SAFB2: variants seen among roughly 807,000 people sequenced by gnomAD.
SAFB2 encodes scaffold attachment factor B2.
SAFB2 carries 32 observed loss-of-function variants against 100.6 expected under a neutral mutation model. The observed-to-expected ratio is 0.32, with a 90% confidence interval of 0.24 to 0.43. The LOEUF is 0.43. Among genes scored for constraint, SAFB2 ranks in the 20% least tolerant of loss-of-function variants. The probability of loss-of-function intolerance (pLI) is 1.00; values close to 1 mark genes in which losing one functional copy is unlikely to be tolerated. For missense variants in SAFB2, 1,185 were observed against 1,163.4 expected (o/e 1.02, Z -0.27); for synonymous variants, 500 against 439.4 (o/e 1.14, Z -1.72).
chr19:5,591,751 C>A lies in SAFB2; in HGVS notation c.2391G>T (p.Gly797=), dbSNP rs1482433492. ...SRPMMGDHRD[G]QHYGDDRHGH... ...TTGGCATCGGGGCTCTACTCACCTG[C>A]CCATCCCGGTGGTCTCCCATCATTG... The change falls in exon 17 of 21, where the codon GGG becomes GGT. Residue 797 remains glycine, a synonymous_variant. Coordinates refer to ENST00000252542, the MANE Select transcript of SAFB2 (RefSeq NM_014649.3). 2 of 1,613,908 alleles carry A rather than the reference C, an allele frequency of 1.2e-6. No individual in the cohort carries two copies.
At chr19:5,590,156 CT>C in intron 18 of SAFB2, 121 bp downstream of exon 18, 2 of 899,280 alleles carry the variant, frequency 2.2e-6, no homozygotes, top group Non-Finnish European at 3.2e-6. Context: ...GGCAGGACCC[CT>C]GGTAGCCCAT....
chr19:5,602,897 G>C (rs967398259), intron 11 of SAFB2, among the ~76,000 whole-genome samples: 2 of 151,296 alleles, frequency 1.3e-5, no homozygotes, highest in African/African-American at 2.4e-5. Context: ...GATTAAATTA[G>C]AGGGCTCACC....
intron 2 of SAFB2, among the ~76,000 whole-genome samples, chr19:5,619,490 C>T (rs2053098186): frequency 6.6e-6 from 1 of 152,210 alleles, no homozygotes; most frequent in Admixed American, 6.5e-5. Flanking sequence ...TCAGGCAGGT[C>T]TTCAAAGCAC....
In SAFB2 at chr19:5,587,087, T is replaced by TA. The variant is rs1431605470; in HGVS notation, c.*155_*156insT. ...AATGGCAGAACAAGAACACATTTAT[T>TA]TAAAAAAAAAAAAAAAGTGAGTTCA... On this transcript the variant is annotated 3_prime_UTR_variant, in exon 21 of 21. Coordinates refer to ENST00000252542, the MANE Select transcript of SAFB2 (RefSeq NM_014649.3). This position sits in a 1 kb window ranked among gnomAD's most constrained non-coding sequence, Gnocchi z 4.9. The TA allele has an allele frequency of 4.3e-5, 41 of 959,986 alleles. No homozygotes were observed. The African/African-American group carries it at 5.9e-4, about 14-fold the overall frequency. 59.5% of individuals were successfully genotyped at this position (959,986 alleles called of 1,614,324 possible). A position where few individuals can be genotyped will look rare whatever the true frequency, so the allele number is the denominator to read the frequency against.
intron 9 of SAFB2, 44 bp downstream of exon 9, chr19:5,609,951 A>C (rs778796371): frequency 1.9e-6 from 3 of 1,544,258 alleles, no homozygotes; most frequent in Non-Finnish European, 2.7e-6. Flanking sequence ...CTTCCTTTTT[A>C]ACTCTGAATC....
intron 9 of SAFB2, among the ~76,000 whole-genome samples, chr19:5,606,646 C>A (rs549754678): frequency 1.6e-4 from 25 of 151,884 alleles, no homozygotes; most frequent in Admixed American, 7.9e-4. Flanking sequence ...AACAAAAAAA[C>A]CAGAAGAAAC....
rs1440465867 is a variant in SAFB2, at chr19:5,622,695, C to T, written c.21G>A (p.Gly7=). 1.2e-6 allele frequency: 2 copies of T among 1,605,202 alleles called. No individual in the cohort carries two copies. The highest frequency in any genetic ancestry group is 2.2e-5 in the East Asian group (1 of 44,662). The change falls in exon 1 of 21, where the codon GGG becomes GGA. Residue 7 remains glycine, a synonymous_variant. Coordinates refer to ENST00000252542, the MANE Select transcript of SAFB2 (RefSeq NM_014649.3). ...CCGTGCCAGGGCCCGAGTCGCCCGACCCGGGCAGAGTCTCCGCCATCGTCG... is the reference window on the plus strand; with the variant it reads ...CCGTGCCAGGGCCCGAGTCGCCCGATCCGGGCAGAGTCTCCGCCATCGTCG... MAETLP[G]SGDSGPGTAS...
In SAFB2 at chr19:5,590,294, G is replaced by A; in HGVS notation, c.2509C>T (p.Leu837=). 1 of 1,601,208 alleles carries A rather than the reference G, an allele frequency of 6.2e-7. No individual in the cohort carries two copies. Among genetic ancestry groups the A allele is most frequent in the Non-Finnish European group, 8.5e-7 (1 of 1,174,970 alleles). Residue 837 remains leucine, a synonymous_variant, in exon 18 of 21, where the codon CTG becomes TTG. Coordinates refer to ENST00000252542, the MANE Select transcript of SAFB2 (RefSeq NM_014649.3). ...CCCACTAACCTGGGGGGAGGGGGCA[G>A]CCCCCGGCCTTCACTCAGCCTCTTG... ...SDKRLSEGRG[L]PPPPRGGRDW...
chr19:5,617,352 A>G (rs1319424872), intron 2 of SAFB2, among the ~76,000 whole-genome samples: 2 of 152,116 alleles, frequency 1.3e-5, no homozygotes, highest in African/African-American at 4.8e-5. Context: ...CAAAATAACT[A>G]TTTGATAGAA....
chr19:5,616,120 C>T lies in SAFB2; in HGVS notation c.543+12G>A, dbSNP rs1355956931. ...CTATGGGCACATCCTGCCGTGTCTC[C>T]AAGTTACCTACAGCATGCTCTGGGG... On this transcript the variant is annotated intron_variant, in intron 4 of 20. Transcript: ENST00000252542. The T allele has an allele frequency of 6.2e-7, 1 of 1,613,542 alleles. No homozygotes were observed. Among genetic ancestry groups the T allele is most frequent in the South Asian group, 1.1e-5 (1 of 91,068 alleles).
chr19:5,591,479 C>T (rs2052402643), intron 17 of SAFB2: 1 of 343,304 alleles, frequency 2.9e-6, no homozygotes, highest in Non-Finnish European at 5.4e-6. Context: ...AGGGTTTCAC[C>T]ATGTCGGCCA....
chr19:5,616,261 T>C lies in SAFB2; in HGVS notation c.414A>G (p.Glu138=). ...MMDMSVLDET[E]VANSSAPDFG... is the part of the protein sequence containing the mutation. ...AATCTGGAGCACTGCTATTCGCCAC[T>C]TCAGTTTCGTCTAGCACACTCATGT... The change falls in exon 4 of 21, where the codon GAA becomes GAG. Residue 138 remains glutamate (E), a synonymous_variant. Coordinates refer to ENST00000252542, the MANE Select transcript of SAFB2 (RefSeq NM_014649.3). The C allele has an allele frequency of 6.2e-7, 1 of 1,614,192 alleles. No individual in the cohort carries two copies. Among genetic ancestry groups the C allele is most frequent in the South Asian group, 1.1e-5 (1 of 91,092 alleles).
Position 5,587,102 on chromosome 19 carries a change from AAGTG to A in SAFB2, c.*137_*140del, listed in dbSNP as rs1166688101. The stretch of plus-strand genomic sequence containing the variant: ...ACACATTTATTTAAAAAAAAAAAAA[AAGTG>A]AGTTCACATTGTATTGAGCTACAAC... On this transcript the variant is annotated 3_prime_UTR_variant, in exon 21 of 21. Coordinates refer to ENST00000252542, the MANE Select transcript of SAFB2 (RefSeq NM_014649.3). This position sits in a 1 kb window ranked among gnomAD's most constrained non-coding sequence, Gnocchi z 4.9. 1.8e-6 allele frequency: 2 copies of A among 1,114,974 alleles called. No individual in the cohort carries two copies. The highest frequency in any genetic ancestry group is 2.5e-6 in the Non-Finnish European group (2 of 793,572). The allele number at this position is 1,114,974 out of a possible 1,614,324, so 69.1% of individuals were successfully genotyped here. A position where few individuals can be genotyped will look rare whatever the true frequency, so the allele number is the denominator to read the frequency against.
chr19:5,608,124 T>G (rs1371631110), intron 9 of SAFB2, among the ~76,000 whole-genome samples: 3 of 152,192 alleles, frequency 2.0e-5, no homozygotes, highest in African/African-American at 7.2e-5. Context: ...GTCCTGCCCC[T>G]CTGGCCTTCC....
chr19:5,621,221 C>T, intron 2 of SAFB2, 88 bp downstream of exon 2: 2 of 869,460 alleles, frequency 2.3e-6, no homozygotes, highest in Non-Finnish European at 3.9e-6. Flanking sequence ...GAGAAATTCT[C>T]CCAGCCTAGA....
intron 2 of SAFB2, among the ~76,000 whole-genome samples, chr19:5,617,495 A>G (rs2053057133): frequency 6.6e-6 from 1 of 152,208 alleles, no homozygotes; most frequent in Non-Finnish European, 1.5e-5. Context: ...GAGTCTTAGG[A>G]TATCTGACAA....
chr19:5,622,525 C>G lies in SAFB2; in HGVS notation c.186+5G>C, dbSNP rs751267619. The G allele has an allele frequency of 1.4e-5, 22 of 1,603,242 alleles. No individual in the cohort carries two copies. Among genetic ancestry groups the G allele is most frequent in the East Asian group, 2.3e-5 (1 of 44,306 alleles). ...GCGCCACCCCCGAGCCCCGCGCCGC[C>G]TCACCTTCTTGAGCCGCTCCATCAG... On this transcript the variant is annotated splice_donor_5th_base_variant and intron_variant, in intron 1 of 20. Transcript: ENST00000252542.
chr19:5,603,087 G>A (rs1178446688), intron 11 of SAFB2, among the ~76,000 whole-genome samples: 1 of 152,014 alleles, frequency 6.6e-6, no homozygotes, highest in Non-Finnish European at 1.5e-5. Context: ...GAGCAAAAGA[G>A]CAAGACCCTG....
At chr19:5,591,446 T>C (rs1455472374) in intron 17 of SAFB2, 3 of 245,658 alleles carry the variant, frequency 1.2e-5, no homozygotes, top group Admixed American at 5.1e-5. Flanking sequence ...GCCTGGCTAA[T>C]TTTTTGTATT....
Sources: allele counts gnomAD v4.1 joint callset (sites outside exome capture counted in the v4.1 genomes callset), GRCh38; gene constraint gnomAD v4.1.1; non-coding constraint Gnocchi (gnomAD v3.1); transcripts MANE v1.5; gene names NCBI Gene and HGNC (gene_info 2026-07-23, HGNC 2026-07-21).